The following CHSY3 variants were observed in gnomAD, a reference collection of about 807,000 sequenced individuals.
CHSY3 encodes N-acetylgalactosaminyl-proteoglycan 3-beta-glucuronosyltransferase 3.
CHSY3 carries 35 observed loss-of-function variants against 67.2 expected under a neutral mutation model. That is an observed-to-expected ratio of 0.52 (90% confidence interval 0.40 to 0.69). The LOEUF is 0.69. Ranked by LOEUF, CHSY3 falls within the 30% of genes least tolerant of loss-of-function variation. The pLI, the probability that CHSY3 is intolerant of heterozygous loss-of-function variation, is 0.00. For synonymous variants in CHSY3, 474 were observed against 434.7 expected (o/e 1.09, Z -1.12); for missense variants, 1,069 against 1,138.5 (o/e 0.94, Z 0.88).
chr5:130,128,284 G>A (rs529641046), intron 2 of CHSY3, among the ~76,000 whole-genome samples: 75 of 150,126 alleles, frequency 5.0e-4, no homozygotes, highest in Middle Eastern at 3.4e-3. Flanking sequence ...GCACATCTAC[G>A]CATATATACA....
chr5:130,013,947 A>C (rs1326259911), intron 2 of CHSY3, among the ~76,000 whole-genome samples: 4 of 152,136 alleles, frequency 2.6e-5, no homozygotes, highest in Non-Finnish European at 5.9e-5. Flanking sequence ...AATGCTTTGC[A>C]GTTAGAAATT....
chr5:130,110,913 T>C (rs1413524286), intron 2 of CHSY3, among the ~76,000 whole-genome samples: 4 of 151,792 alleles, frequency 2.6e-5, no homozygotes, highest in African/African-American at 9.7e-5. Flanking sequence ...ATTTTGGCTG[T>C]GAATTTTTAA....
chr5:130,083,850 T>A (rs1286005936), intron 2 of CHSY3, among the ~76,000 whole-genome samples: 4 of 150,940 alleles, frequency 2.7e-5, no homozygotes, highest in Non-Finnish European at 5.9e-5. Flanking sequence ...AAGTATACAT[T>A]TTTTTTTTGG....
chr5:130,100,900 CTG>C (rs1580733669), intron 2 of CHSY3, among the ~76,000 whole-genome samples: 1 of 152,274 alleles, frequency 6.6e-6, no homozygotes, highest in East Asian at 1.9e-4. Flanking sequence ...CAAACATAAA[CTG>C]TGCAAGAAAT....
At chr5:130,055,687 A>G (rs1765507944) in intron 2 of CHSY3, among the ~76,000 whole-genome samples, 1 of 152,058 alleles carries the variant, frequency 6.6e-6, no homozygotes, top group Admixed American at 6.6e-5. Context: ...GAACAGGAGA[A>G]CAACAGCAGC....
At chr5:130,132,925 C>A (rs1015758292) in intron 2 of CHSY3, among the ~76,000 whole-genome samples, 5 of 152,152 alleles carry the variant, frequency 3.3e-5, no homozygotes, top group African/African-American at 1.2e-4. Flanking sequence ...CACAATCAGA[C>A]TTCTGTAATC....
At chr5:130,144,359 A>G (rs182308461) in intron 2 of CHSY3, among the ~76,000 whole-genome samples, 2 of 152,172 alleles carry the variant, frequency 1.3e-5, no homozygotes, top group East Asian at 1.9e-4. Context: ...AATCAGTAGC[A>G]TATCTAAAAA....
rs1251162507 is a variant in CHSY3 at position 130,164,670 on chromosome 5, CCCTG to C, written c.1087-19557_1087-19554del. 3.6e-4 allele frequency among the ~76,000 whole-genome samples: 55 copies of C among 152,178 alleles called. 1 individual carries two copies. Among genetic ancestry groups the C allele is most frequent in the Non-Finnish European group, 2.8e-4 (19 of 68,002 alleles). ...GAGTCTCTCTTCTCAGACAGCTCTGCCCTGCACCATTTACAGGATGTCAGGCACT... is the reference window on the plus strand; with the variant it reads ...GAGTCTCTCTTCTCAGACAGCTCTGCCACCATTTACAGGATGTCAGGCACT... On this transcript the variant is annotated intron_variant, in intron 2 of 2. Transcript: ENST00000305031.
chr5:129,937,893 G>T (rs985749644), intron 2 of CHSY3, among the ~76,000 whole-genome samples: 3 of 152,126 alleles, frequency 2.0e-5, no homozygotes, highest in African/African-American at 7.2e-5. Flanking sequence ...TGGCTATGCA[G>T]GGTACAGCCT....
chr5:129,957,939 G>C (rs1211095924), intron 2 of CHSY3, among the ~76,000 whole-genome samples: 2 of 151,572 alleles, frequency 1.3e-5, no homozygotes, highest in African/African-American at 4.8e-5. Context: ...GGCCATATCT[G>C]TAACTTACTA....
intron 2 of CHSY3, among the ~76,000 whole-genome samples, chr5:129,950,873 A>G (rs1399281377): frequency 6.6e-6 from 1 of 152,204 alleles, no homozygotes; most frequent in Non-Finnish European, 1.5e-5. Flanking sequence ...AAATTCCAAT[A>G]GCATTTTTCA....
intron 2 of CHSY3, among the ~76,000 whole-genome samples, chr5:130,138,497 C>T (rs1282443502): frequency 6.6e-6 from 1 of 152,106 alleles, no homozygotes; most frequent in Non-Finnish European, 1.5e-5. Flanking sequence ...GAAACTGAAG[C>T]CAGTTAAATG....
At chr5:130,131,090 AT>A (rs1768469140) in intron 2 of CHSY3, among the ~76,000 whole-genome samples, 1 of 152,184 alleles carries the variant, frequency 6.6e-6, no homozygotes, top group Admixed American at 6.6e-5. Flanking sequence ...CTACTCACAT[AT>A]TCCCAGAAAG....
intron 2 of CHSY3, among the ~76,000 whole-genome samples, chr5:129,919,353 G>A (rs527901956): frequency 1.2e-3 from 184 of 152,238 alleles, no homozygotes; most frequent in Non-Finnish European, 2.1e-3. Context: ...ATATCTATAA[G>A]ATGTTGTCAA....
intron 2 of CHSY3, among the ~76,000 whole-genome samples, chr5:130,052,558 T>G (rs1308180621): frequency 1.3e-5 from 2 of 152,196 alleles, no homozygotes; most frequent in Non-Finnish European, 2.9e-5. Context: ...AAAATATTTA[T>G]GAATGTCTTA....
chr5:129,989,223 A>T (rs922218583), intron 2 of CHSY3, among the ~76,000 whole-genome samples: 7 of 151,886 alleles, frequency 4.6e-5, no homozygotes, highest in African/African-American at 1.5e-4. Flanking sequence ...GAGGAAAGGC[A>T]AAAAGGATGA....
At chr5:130,021,952 T>C (rs1444204410) in intron 2 of CHSY3, among the ~76,000 whole-genome samples, 4 of 152,108 alleles carry the variant, frequency 2.6e-5, no homozygotes, top group Non-Finnish European at 5.9e-5. Context: ...GATCCATACG[T>C]AGTCAGATCC....
chr5:129,981,216 G>T (rs964307138), intron 2 of CHSY3, among the ~76,000 whole-genome samples: 2 of 120,934 alleles, frequency 1.7e-5, no homozygotes, highest in African/African-American at 5.7e-5. Context: ...GGGAGACTCC[G>T]TCTCAAACAA....
chr5:130,041,401 A>G (rs755685902), intron 2 of CHSY3, among the ~76,000 whole-genome samples: 13 of 152,104 alleles, frequency 8.5e-5, no homozygotes, highest in Non-Finnish European at 1.9e-4. Flanking sequence ...TAGGCACTCC[A>G]GCCCAAAACA....
Sources: allele counts gnomAD v4.1 joint callset (sites outside exome capture counted in the v4.1 genomes callset), GRCh38; gene constraint gnomAD v4.1.1; transcripts MANE v1.5; gene names NCBI Gene and HGNC (gene_info 2026-07-23, HGNC 2026-07-21).